EBPL: variants seen among roughly 807,000 people sequenced by gnomAD.
EBPL encodes the protein emopamil-binding protein-like.
Under a neutral mutation model 19.0 loss-of-function variants are expected in EBPL, and 20 were observed. That is an observed-to-expected ratio of 1.05 (90% CI 0.74 to 1.53). EBPL has a LOEUF of 1.53. Ranked by LOEUF, EBPL falls within the 40% of genes most tolerant of loss-of-function variation. The pLI is 0.00. For synonymous variants in EBPL, 107 were observed against 117.0 expected (o/e 0.91, Z 0.55); for missense variants, 219 against 261.1 (o/e 0.84, Z 1.11).
chr13:49,673,540 G>A (rs551602890), intron 1 of EBPL, among the ~76,000 whole-genome samples: 2 of 152,088 alleles, frequency 1.3e-5, no homozygotes, highest in African/African-American at 4.8e-5. Context: ...CATGTTAAGG[G>A]ATTCTCTTGC....
At chr13:49,684,686 T>A (rs73192674) in intron 1 of EBPL, among the ~76,000 whole-genome samples, 14,172 of 151,846 alleles carry the variant, frequency 0.093, 911 homozygotes, top group African/African-American at 0.17. Flanking sequence ...AAAATAAAAT[T>A]AAATTAAACA....
rs143932456 is a variant in EBPL, at chr13:49,687,175, T to G, written c.171+4079A>C. Among the ~76,000 whole-genome samples the G allele has an allele frequency of 4.6e-5, 7 of 152,316 alleles. No individual in the cohort carries two copies. The East Asian group carries it at 1.4e-3, about 29-fold the overall frequency. On this transcript the variant is annotated intron_variant, in intron 1 of 3. Coordinates refer to ENST00000242827, the MANE Select transcript of EBPL (RefSeq NM_032565.5). ...CCAGATTTTGCTGTCTTAGTTAACATGATCACCATTACCCATGTTGCTCAG... is the reference window on the plus strand; with the variant it reads ...CCAGATTTTGCTGTCTTAGTTAACAGGATCACCATTACCCATGTTGCTCAG...
intron 1 of EBPL, among the ~76,000 whole-genome samples, chr13:49,682,478 G>A (rs1953952918): frequency 1.3e-5 from 2 of 152,140 alleles, no homozygotes; most frequent in African/African-American, 4.8e-5. Flanking sequence ...CACACTAAGA[G>A]GACAGAGAAG....
rs146925740 is a variant in EBPL at position 49,663,122 on chromosome 13, G to A, written c.315C>T (p.Thr105=). The A allele has an allele frequency of 1.7e-5, 27 of 1,613,988 alleles. No individual in the cohort carries two copies. Among genetic ancestry groups the A allele is most frequent in the Middle Eastern group, 1.6e-4 (1 of 6,084 alleles). Residue 105 remains threonine, a synonymous_variant, in exon 3 of 4, where the codon ACC becomes ACT. Transcript: ENST00000242827. ...ATGCCAGAGACCCATCCAGGGCGAC[G>A]GTCAGAATTTCCACAGACACAATGG... ...DPTIVSVEIL[T]VALDGSLALF...
At chr13:49,676,364 G>A (rs1366025808) in intron 1 of EBPL, among the ~76,000 whole-genome samples, 3 of 152,154 alleles carry the variant, frequency 2.0e-5, no homozygotes, top group African/African-American at 7.2e-5. Flanking sequence ...GGCTGAGGCG[G>A]ACGGACCACA....
intron 2 of EBPL, among the ~76,000 whole-genome samples, chr13:49,666,924 T>G (rs919301469): frequency 6.6e-6 from 1 of 150,750 alleles, no homozygotes; most frequent in Non-Finnish European, 1.5e-5. Flanking sequence ...GACATAATAC[T>G]GAATCCTAAT....
chr13:49,662,247 C>T (rs545669476), intron 3 of EBPL, among the ~76,000 whole-genome samples: 13 of 152,298 alleles, frequency 8.5e-5, no homozygotes, highest in Admixed American at 2.0e-4. Flanking sequence ...CCACCTGCCT[C>T]GGCCTCCCAA....
intron 1 of EBPL, among the ~76,000 whole-genome samples, chr13:49,688,321 TG>T (rs944649796): frequency 1.6e-4 from 25 of 152,222 alleles, no homozygotes; most frequent in African/African-American, 5.8e-4. Context: ...GTTGGACATC[TG>T]GGAAATGAAC....
chr13:49,677,949 A>G (rs533864654), intron 1 of EBPL, among the ~76,000 whole-genome samples: 19 of 152,342 alleles, frequency 1.2e-4, no homozygotes, highest in African/African-American at 4.6e-4. Context: ...CACAAAGGCA[A>G]TGCGGACCCA....
chr13:49,686,803 CT>C (rs1391415986), intron 1 of EBPL, among the ~76,000 whole-genome samples: 1 of 152,126 alleles, frequency 6.6e-6, no homozygotes, highest in Non-Finnish European at 1.5e-5. Context: ...CATTCTCTCT[CT>C]CTTCTTTTTG....
chr13:49,663,297 C>A (rs1273424632), intron 2 of EBPL, 102 bp from the exon 3 acceptor site: 1 of 1,430,268 alleles, frequency 7.0e-7, no homozygotes, highest in African/African-American at 1.4e-5. Flanking sequence ...AATGAGTAAT[C>A]GCCACTCTCT....
chr13:49,687,383 G>A (rs1000975199), intron 1 of EBPL, among the ~76,000 whole-genome samples: 1 of 151,900 alleles, frequency 6.6e-6, no homozygotes, highest in Non-Finnish European at 1.5e-5. Context: ...GCTTTTTGTT[G>A]CTCTTCTTGC....
At chr13:49,672,328 C>A (rs776991798) in intron 1 of EBPL, among the ~76,000 whole-genome samples, 1 of 152,154 alleles carries the variant, frequency 6.6e-6, no homozygotes. Flanking sequence ...TCAAGTGTAA[C>A]GAATATTCAT....
chr13:49,686,440 C>T, intron 1 of EBPL: 1 of 1,277,838 alleles, frequency 7.8e-7, no homozygotes, highest in Non-Finnish European at 1.0e-6. Context: ...CAATCCCACT[C>T]TCACCATTGA....
intron 1 of EBPL, among the ~76,000 whole-genome samples, chr13:49,678,724 C>A (rs1383393646): frequency 6.6e-6 from 1 of 152,098 alleles, no homozygotes; most frequent in Non-Finnish European, 1.5e-5. Flanking sequence ...GAGAGGGGCT[C>A]CCACAGTGCA....
At chr13:49,663,016 T>C (rs1965171162) in intron 3 of EBPL, 41 bp downstream of exon 3, 2 of 1,610,532 alleles carry the variant, frequency 1.2e-6, no homozygotes, top group Non-Finnish European at 1.7e-6. Flanking sequence ...GGACATGTAA[T>C]GTCTCCCCTC....
chr13:49,674,261 C>A (rs1045715613), intron 1 of EBPL, among the ~76,000 whole-genome samples: 35 of 152,068 alleles, frequency 2.3e-4, no homozygotes, highest in African/African-American at 8.0e-4. Flanking sequence ...CGCCACCATG[C>A]CTGGCTAATT....
In EBPL at chr13:49,660,765, T is replaced by C. The variant is rs1965133033; in HGVS notation, c.*203A>G. 2.1e-6 allele frequency: 1 copy of C among 473,086 alleles called. No homozygotes were observed. The highest frequency in any genetic ancestry group is 4.5e-5 in the South Asian group (1 of 22,168). 29.3% of individuals were successfully genotyped at this position (473,086 alleles called of 1,614,324 possible). ...TTTTATTATTACAAATTCAAATTTG[T>C]TCTCTTTTCCCTATATCACCATTTA... On this transcript the variant is annotated 3_prime_UTR_variant, in exon 4 of 4. Transcript: ENST00000242827.
intron 2 of EBPL, 111 bp downstream of exon 2, chr13:49,669,666 T>C (rs1953788991): frequency 1.1e-6 from 1 of 948,246 alleles, no homozygotes; most frequent in Non-Finnish European, 1.6e-6. Flanking sequence ...TCACCTATTC[T>C]GGACATTTCA....
Sources: gnomAD v4.1 joint callset for allele counts (sites outside exome capture counted in the v4.1 genomes callset) on GRCh38, gnomAD v4.1.1 for gene constraint, MANE v1.5 for transcripts, NCBI Gene and HGNC (gene_info 2026-07-23, HGNC 2026-07-21) for gene names.